UHRF2: variants seen among roughly 807,000 people sequenced by gnomAD.
UHRF2 encodes E3 ubiquitin-protein ligase UHRF2.
In UHRF2, 23 loss-of-function variants were observed where a neutral mutation model predicts 96.8. The observed-to-expected ratio is 0.24, with a 90% CI of 0.17 to 0.34. The LOEUF (loss-of-function observed/expected upper bound fraction) is 0.34, where lower values mean the gene tolerates loss of function less well. Ranked by LOEUF, UHRF2 falls within the 10% of genes least tolerant of loss-of-function variation. The probability of loss-of-function intolerance (pLI) is 1.00; values close to 1 mark genes in which losing one functional copy is unlikely to be tolerated. For synonymous variants in UHRF2, 385 were observed against 332.6 expected, an observed-to-expected ratio of 1.16 and a Z score of -1.72; for missense variants, 685 against 981.5, an observed-to-expected ratio of 0.70 and a Z score of 4.04.
At chr9:6,480,679 C>A (rs563518365) in intron 6 of UHRF2, among the ~76,000 whole-genome samples, 1 of 152,064 alleles carries the variant, frequency 6.6e-6, no homozygotes, top group Non-Finnish European at 1.5e-5. Context: ...AAAGATGAGC[C>A]CATCAGATAA....
intron 3 of UHRF2, chr9:6,434,381 T>C: frequency 5.5e-6 from 3 of 546,192 alleles, no homozygotes; most frequent in Non-Finnish European, 9.3e-6. Flanking sequence ...GTTTATTTTT[T>C]AGTATCACAA....
chr9:6,427,282 C>T (rs924442720), intron 2 of UHRF2, among the ~76,000 whole-genome samples: 1 of 152,000 alleles, frequency 6.6e-6, no homozygotes. Context: ...TTGGACTTTT[C>T]CTTCTGACTG....
At chr9:6,413,899 C>T (rs991450009) in intron 1 of UHRF2, 1 of 371,088 alleles carries the variant, frequency 2.7e-6, no homozygotes, top group Non-Finnish European at 4.7e-6. Flanking sequence ...AAATATCTCG[C>T]CGTTTGTATT....
chr9:6,439,864 A>G (rs760479236), intron 3 of UHRF2, among the ~76,000 whole-genome samples: 6 of 152,182 alleles, frequency 3.9e-5, no homozygotes, highest in Non-Finnish European at 7.3e-5. Flanking sequence ...TTCTAGTGGT[A>G]TTTTGAACAG....
rs1205574451 is a variant in UHRF2, at chr9:6,499,918, G to T, written c.1992G>T (p.Arg664Ser). 2.5e-6 allele frequency: 4 copies of T among 1,609,076 alleles called. No individual in the cohort carries two copies. Among genetic ancestry groups the T allele is most frequent in the Non-Finnish European group, 3.4e-6 (4 of 1,176,730 alleles). The change falls in exon 13 of 16, where the codon AGG becomes AGT. Residue 664 changes from arginine to serine, a missense_variant. Transcript: ENST00000276893. Reference sequence around the variant, plus strand: ...AGCAGCCCAGTGGAACCACAAAAAGGCCAATTTCAGATGGTAGGTAATGAT... The same window carrying T: ...AGCAGCCCAGTGGAACCACAAAAAGTCCAATTTCAGATGGTAGGTAATGAT... ...SKKQPSGTTK[R>S]PISDDDCPSA...
At chr9:6,474,792 A>G (rs1389159621) in intron 4 of UHRF2, among the ~76,000 whole-genome samples, 2 of 152,218 alleles carry the variant, frequency 1.3e-5, no homozygotes. Context: ...GTATATACAA[A>G]CAAATATGAA....
rs747383315 is a variant in UHRF2, at chr9:6,493,864, T to C, written c.1536T>C (p.Gly512=). 11 of 1,613,844 alleles carry C rather than the reference T, an allele frequency of 6.8e-6. No individual in the cohort carries two copies. The Admixed American group carries it at 1.8e-4, about 27-fold the overall frequency. ...AGTTCACATACACTGGAAGCGGTGG[T>C]AAAAATCTTGCTGGTAACAAAAGAA... The part of the protein sequence containing the change: ...GDEFTYTGSG[G]KNLAGNKRIG... Residue 512 remains glycine, a synonymous_variant, in exon 10 of 16, where the codon GGT becomes GGC. Transcript: ENST00000276893.
chr9:6,445,217 A>G (rs1326365988), intron 3 of UHRF2, among the ~76,000 whole-genome samples: 1 of 149,406 alleles, frequency 6.7e-6, no homozygotes, highest in Non-Finnish European at 1.5e-5. Context: ...TAAATTTTTC[A>G]GCTTTTAATT....
rs1819905453 is a variant in UHRF2 at position 6,421,095 on chromosome 9, A to ACATCAG, written c.339_344dup (p.Ser114_Ala115dup). The ACATCAG allele has an allele frequency of 6.2e-7, 1 of 1,614,164 alleles. No individual in the cohort carries two copies. On this transcript the variant is annotated inframe_insertion, in exon 2 of 16. Coordinates refer to ENST00000276893, the MANE Select transcript of UHRF2 (RefSeq NM_152896.3). ...GGTAGGACCTTCCAATCAGCCATCT[A>ACATCAG]CATCAGCTCGTGCCCGTCTTATTGA...
At chr9:6,485,621 G>A (rs149619375) in intron 8 of UHRF2, among the ~76,000 whole-genome samples, 1,315 of 108,030 alleles carry the variant, frequency 0.012, 14 homozygotes, top group Middle Eastern at 0.04. Flanking sequence ...CCCGCCCCCC[G>A]CCCCAAATTA....
chr9:6,455,474 T>C (rs933905550), intron 3 of UHRF2, among the ~76,000 whole-genome samples: 2 of 148,640 alleles, frequency 1.3e-5, no homozygotes, highest in Non-Finnish European at 2.9e-5. Flanking sequence ...GCACTTATCC[T>C]TTTTTATGGC....
chr9:6,454,994 T>G (rs1489929637), intron 3 of UHRF2, among the ~76,000 whole-genome samples: 2 of 152,346 alleles, frequency 1.3e-5, no homozygotes, highest in East Asian at 1.9e-4. Context: ...CTGCTGATCT[T>G]GGGACCATAC....
At chr9:6,483,019 G>C (rs532018177) in intron 8 of UHRF2, among the ~76,000 whole-genome samples, 1 of 152,156 alleles carries the variant, frequency 6.6e-6, no homozygotes, top group East Asian at 1.9e-4. Context: ...CAAAGTCTGT[G>C]GATGCTCAAA....
At chr9:6,468,115 A>G (rs1489234156) in intron 4 of UHRF2, among the ~76,000 whole-genome samples, 1 of 152,154 alleles carries the variant, frequency 6.6e-6, no homozygotes, top group Non-Finnish European at 1.5e-5. Flanking sequence ...ATTAGTACAT[A>G]AATTGTTTTT....
chr9:6,504,021 TTTTTTTTTTTTTTTTTTTTTTTAAGACC>T (rs1816447587), intron 14 of UHRF2, among the ~76,000 whole-genome samples: 1 of 125,650 alleles, frequency 8.0e-6, no homozygotes, highest in South Asian at 2.5e-4. Context: ...AAGACTTTTT[TTTTTTTTTTTTTTTTTTTTTTTAAGACC>T]GAGTCTCGCT....
At chr9:6,470,576 G>A (rs1823182630) in intron 4 of UHRF2, among the ~76,000 whole-genome samples, 2 of 152,198 alleles carry the variant, frequency 1.3e-5, no homozygotes, top group South Asian at 4.1e-4. Flanking sequence ...AGCAGGGAAA[G>A]GGTAAATGTA....
chr9:6,429,623 A>C (rs887645527), intron 2 of UHRF2, among the ~76,000 whole-genome samples: 1 of 152,060 alleles, frequency 6.6e-6, no homozygotes, highest in African/African-American at 2.4e-5. Context: ...GAGCCACTGC[A>C]CCCGGGCTAT....
chr9:6,458,980 C>T (rs913439774), intron 3 of UHRF2, among the ~76,000 whole-genome samples: 5 of 152,136 alleles, frequency 3.3e-5, no homozygotes, highest in Admixed American at 6.5e-5. Context: ...GAAAACCAAA[C>T]ACCACATGTT....
chr9:6,425,899 A>C (rs1303000837), intron 2 of UHRF2, among the ~76,000 whole-genome samples: 2 of 152,234 alleles, frequency 1.3e-5, no homozygotes, highest in African/African-American at 4.8e-5. Flanking sequence ...GTATATATAC[A>C]TCTATGAATA....
Sources: gnomAD v4.1 joint callset for allele counts (sites outside exome capture counted in the v4.1 genomes callset) on GRCh38, gnomAD v4.1.1 for gene constraint, MANE v1.5 for transcripts, NCBI Gene and HGNC (gene_info 2026-07-23, HGNC 2026-07-21) for gene names.